Variants in LUZP2 observed in about 807,000 individuals in gnomAD.
The protein encoded by LUZP2 is leucine zipper protein 2.
In LUZP2, 52 loss-of-function variants were observed where a neutral mutation model predicts 51.6. That is an observed-to-expected ratio of 1.01 (90% CI 0.81 to 1.27). The LOEUF (loss-of-function observed/expected upper bound fraction) is 1.27. LUZP2 is among the 50% of genes most tolerant of loss of function. The pLI, the probability that LUZP2 is intolerant of heterozygous loss-of-function variation, is 0.00. For synonymous variants in LUZP2, 154 were observed against 137.3 expected (o/e 1.12, Z -0.85); for missense variants, 436 against 395.4 (o/e 1.10, Z -0.87).
chr11:24,932,797 T>G (rs1250895905), intron 7 of LUZP2, among the ~76,000 whole-genome samples: 1 of 152,240 alleles, frequency 6.6e-6, no homozygotes, highest in Non-Finnish European at 1.5e-5. Context: ...GTGTAGTGGC[T>G]GCACCTTCTG....
At chr11:24,993,765 G>T (rs1028743657) in intron 9 of LUZP2, among the ~76,000 whole-genome samples, 12 of 151,740 alleles carry the variant, frequency 7.9e-5, no homozygotes, top group African/African-American at 2.4e-4. Flanking sequence ...TCCATTCTGG[G>T]GGTTGTATTT....
chr11:24,728,211 A>G (rs1288439256), intron 1 of LUZP2, among the ~76,000 whole-genome samples: 1 of 151,946 alleles, frequency 6.6e-6, no homozygotes, highest in Non-Finnish European at 1.5e-5. Context: ...CCTCTCAGTG[A>G]AGGGCTGTGT....
At chr11:24,566,924 TA>T in intron 1 of LUZP2, among the ~76,000 whole-genome samples, 1 of 1,246 alleles carries the variant, frequency 8.0e-4, no homozygotes, top group South Asian at 0.028. Context: ...TATATGTATA[TA>T]TGTATATATA....
chr11:24,519,563 C>A (rs961136258), intron 1 of LUZP2, among the ~76,000 whole-genome samples: 1 of 152,140 alleles, frequency 6.6e-6, no homozygotes, highest in Non-Finnish European at 1.5e-5. Flanking sequence ...TGTCTTCCTC[C>A]AAAACTATCT....
chr11:24,758,100 AAAT>A (rs1482551440), intron 4 of LUZP2, among the ~76,000 whole-genome samples: 8 of 152,146 alleles, frequency 5.3e-5, no homozygotes, highest in African/African-American at 1.9e-4. Context: ...CAATATGACT[AAAT>A]AAACTTATAG....
intron 9 of LUZP2, among the ~76,000 whole-genome samples, chr11:25,037,418 C>CTGTA (rs1857900971): frequency 6.6e-6 from 1 of 152,084 alleles, no homozygotes; most frequent in Admixed American, 6.6e-5. Context: ...ACCTGACACT[C>CTGTA]TGTATCTTTT....
At chr11:24,695,589 T>C (rs1202655742) in intron 1 of LUZP2, among the ~76,000 whole-genome samples, 1 of 152,066 alleles carries the variant, frequency 6.6e-6, no homozygotes, top group Non-Finnish European at 1.5e-5. Flanking sequence ...GTAATTTTTT[T>C]ACTCATTTTC....
chr11:24,535,783 C>G (rs1289128671), intron 1 of LUZP2, among the ~76,000 whole-genome samples: 2 of 151,714 alleles, frequency 1.3e-5, no homozygotes, highest in Admixed American at 1.3e-4. Flanking sequence ...GACCTCCCCA[C>G]TGTGACTTAC....
At chr11:24,894,336 G>A (rs569826592) in intron 5 of LUZP2, among the ~76,000 whole-genome samples, 8 of 152,020 alleles carry the variant, frequency 5.3e-5, no homozygotes, top group East Asian at 3.9e-4. Context: ...CACCACGCCC[G>A]GCTAATTTTT....
chr11:24,701,774 C>G (rs1304343410), intron 1 of LUZP2, among the ~76,000 whole-genome samples: 3 of 151,958 alleles, frequency 2.0e-5, no homozygotes, highest in African/African-American at 7.3e-5. Flanking sequence ...TTTGGTACAA[C>G]CAGAAAAAAC....
At chr11:24,846,054 G>A (rs996103938) in intron 5 of LUZP2, among the ~76,000 whole-genome samples, 1 of 151,856 alleles carries the variant, frequency 6.6e-6, no homozygotes, top group Non-Finnish European at 1.5e-5. Flanking sequence ...ACGCAGGCAA[G>A]GATCCCTATT....
At chr11:24,806,861 C>T (rs910416957) in intron 5 of LUZP2, among the ~76,000 whole-genome samples, 17 of 151,316 alleles carry the variant, frequency 1.1e-4, no homozygotes, top group South Asian at 2.1e-4. Context: ...CTCCTTTTAC[C>T]GATTTCTATG....
At chr11:24,574,668 A>G (rs1335162506) in intron 1 of LUZP2, among the ~76,000 whole-genome samples, 1 of 152,066 alleles carries the variant, frequency 6.6e-6, no homozygotes, top group African/African-American at 2.4e-5. Flanking sequence ...AAAGTACTGG[A>G]GAATGTTAGC....
chr11:24,752,812 T>A (rs531022207), intron 4 of LUZP2, among the ~76,000 whole-genome samples: 2 of 152,216 alleles, frequency 1.3e-5, no homozygotes, highest in Non-Finnish European at 2.9e-5. Context: ...TCCAATGTAT[T>A]AGAAATCATG....
At position 24,611,552 on chromosome 11, in the gene LUZP2, G is replaced by A. The variant is rs1026006782; in HGVS notation, c.62+114247G>A. ...ATTGAGTCAGAGTTTGGCAATTATG[G>A]AACTAGGGTGGAAAGGGAGGCAGTT... On this transcript the variant is annotated intron_variant, in intron 1 of 11. Transcript: ENST00000336930. This position sits in a 1 kb window ranked among gnomAD's most constrained non-coding sequence, Gnocchi z 4.6. Among the ~76,000 whole-genome samples, 1 of 152,092 alleles carries A rather than the reference G, an allele frequency of 6.6e-6. No individual in the cohort carries two copies. Among genetic ancestry groups the A allele is most frequent in the African/African-American group, 2.4e-5 (1 of 41,418 alleles).
At chr11:24,930,845 C>T (rs533701495) in intron 7 of LUZP2, among the ~76,000 whole-genome samples, 1 of 152,192 alleles carries the variant, frequency 6.6e-6, no homozygotes, top group South Asian at 2.1e-4. Context: ...TTCTTTTCTT[C>T]CTCAGGAACA....
intron 5 of LUZP2, among the ~76,000 whole-genome samples, chr11:24,773,123 A>G (rs1487788816): frequency 1.3e-5 from 2 of 150,758 alleles, no homozygotes; most frequent in Admixed American, 6.6e-5. Context: ...GCATTTTATT[A>G]GGTATAAATC....
intron 1 of LUZP2, among the ~76,000 whole-genome samples, chr11:24,546,322 A>G (rs2133733727): frequency 6.6e-6 from 1 of 152,166 alleles, no homozygotes; most frequent in South Asian, 2.1e-4. Flanking sequence ...GACAATGTTG[A>G]ACAAGAATGG....
At chr11:24,665,679 C>T (rs1039515724) in intron 1 of LUZP2, among the ~76,000 whole-genome samples, 10 of 152,132 alleles carry the variant, frequency 6.6e-5, no homozygotes, top group Non-Finnish European at 1.3e-4. Flanking sequence ...AGGCTTCCCT[C>T]TTTGCTTGGC....
Sources: gnomAD v4.1 joint callset for allele counts (sites outside exome capture counted in the v4.1 genomes callset) on GRCh38, gnomAD v4.1.1 for gene constraint, Gnocchi (gnomAD v3.1) non-coding constraint, MANE v1.5 for transcripts, NCBI Gene and HGNC (gene_info 2026-07-23, HGNC 2026-07-21) for gene names.